Variants in GUCA1B observed in about 807,000 individuals in gnomAD.
GUCA1B encodes the protein guanylate cyclase activator 1B, also known as guanylyl cyclase-activating protein 2.
A neutral mutation model predicts 24.2 loss-of-function variants in GUCA1B; 22 were observed. The ratio of observed to expected loss-of-function variants is 0.91; its 90% confidence interval spans 0.65 to 1.30. The LOEUF is 1.30. GUCA1B is among the 50% of genes most tolerant of loss of function. The pLI is 0.00. For missense variants in GUCA1B, 221 were observed against 258.8 expected (o/e 0.85, Z 1.00); for synonymous variants, 100 against 97.9 (o/e 1.02, Z -0.13).
In GUCA1B at chr6:42,185,750, C is replaced by T; in HGVS notation, c.405G>A (p.Glu135=). 1.2e-6 allele frequency: 2 copies of T among 1,613,680 alleles called. No homozygotes were observed. Among genetic ancestry groups the T allele is most frequent in the Non-Finnish European group, 1.7e-6 (2 of 1,179,742 alleles). ...CCTCGGGTGTGAGCAGCTGGCCTTG[C>T]TCAGTTTGTAGCTCTCGCCGGCAGG... ...KKACRRELQT[E]QGQLLTPEEV... The change falls in exon 3 of 4, where the codon GAG becomes GAA. Residue 135 remains glutamate (E), a synonymous_variant. Transcript: ENST00000230361.
rs572884394 is a variant in GUCA1B at position 42,188,612 on chromosome 6, G to A, written c.327C>T (p.Ile109=). ...KIYDKDGNGC[I]DRLELLNIVE... is the part of the protein sequence containing the mutation. ...CAATGTTGAGTAGCTCCAGGCGGTC[G>A]ATGCAGCCATTGCCATCCTTATCAT... Residue 109 remains isoleucine (I), a synonymous_variant, in exon 2 of 4, where the codon ATC becomes ATT. Transcript: ENST00000230361. The A allele has an allele frequency of 7.4e-6, 12 of 1,614,088 alleles. No individual in the cohort carries two copies. Among genetic ancestry groups the A allele is most frequent in the East Asian group, 2.2e-5 (1 of 44,874 alleles).
chr6:42,185,160 T>C (rs1335692636), intron 3 of GUCA1B, among the ~76,000 whole-genome samples: 1 of 152,166 alleles, frequency 6.6e-6, no homozygotes, highest in East Asian at 1.9e-4. Context: ...AAGTTTTACT[T>C]TTGCGCATGG....
chr6:42,184,509 C>A lies in GUCA1B; in HGVS notation c.*306G>T. 1 of 422,784 alleles carries A rather than the reference C, an allele frequency of 2.4e-6. No homozygotes were observed. The highest frequency in any genetic ancestry group is 2.1e-5 in the South Asian group (1 of 47,786). 26.2% of individuals were successfully genotyped at this position (422,784 alleles called of 1,614,324 possible). A position where few individuals can be genotyped will look rare whatever the true frequency, so the allele number is the denominator to read the frequency against. On this transcript the variant is annotated 3_prime_UTR_variant, in exon 4 of 4. Coordinates refer to ENST00000230361, the MANE Select transcript of GUCA1B (RefSeq NM_002098.6). ...CCCCTCAGTTGGCTCTTGCTTCCAA[C>A]TGAGAACACCCAGAAACTGTGGGAG...
At position 42,183,611 on chromosome 6, in the gene GUCA1B, C is replaced by G. The variant is rs545684763; in HGVS notation, c.*1204G>C. On this transcript the variant is annotated 3_prime_UTR_variant, in exon 4 of 4. Coordinates refer to ENST00000230361, the MANE Select transcript of GUCA1B (RefSeq NM_002098.6). ...TAGTCCGACCTGCTCACTGTGCTGC[C>G]AAGACATAACCAAGGTTAGGGAGGA... Among the ~76,000 whole-genome samples, 1 of 152,280 alleles carries G rather than the reference C, an allele frequency of 6.6e-6. No homozygotes were observed. Among genetic ancestry groups the G allele is most frequent in the South Asian group, 2.1e-4 (1 of 4,824 alleles).
At chr6:42,192,477 C>G (rs1320612574) in intron 1 of GUCA1B, among the ~76,000 whole-genome samples, 1 of 151,442 alleles carries the variant, frequency 6.6e-6, no homozygotes, top group East Asian at 1.9e-4. Context: ...TCTGGGAGGC[C>G]GGGGTGGGCA....
intron 1 of GUCA1B, among the ~76,000 whole-genome samples, chr6:42,194,325 C>A (rs1768360344): frequency 6.6e-6 from 1 of 152,214 alleles, no homozygotes; most frequent in Non-Finnish European, 1.5e-5. Flanking sequence ...AGGACCTGGA[C>A]TGTCTGCCAG....
In GUCA1B at chr6:42,183,642, G is replaced by C. The variant is rs1473721827; in HGVS notation, c.*1173C>G. Among the ~76,000 whole-genome samples the C allele has an allele frequency of 6.6e-6, 1 of 152,168 alleles. No individual in the cohort carries two copies. The highest frequency in any genetic ancestry group is 6.5e-5 in the Admixed American group (1 of 15,282). On this transcript the variant is annotated 3_prime_UTR_variant, in exon 4 of 4. Transcript: ENST00000230361. ...ATAACCAAGGTTAGGGAGGAGAAGT[G>C]GCTGTCTTGGGTCACACAGCAGTTA...
At chr6:42,193,686 C>T (rs1013141281) in intron 1 of GUCA1B, among the ~76,000 whole-genome samples, 3 of 152,174 alleles carry the variant, frequency 2.0e-5, no homozygotes, top group Non-Finnish European at 4.4e-5. Flanking sequence ...CCTCCTGTCC[C>T]GGGACAGGCA....
chr6:42,189,585 GT>G (rs1768266224), intron 1 of GUCA1B, among the ~76,000 whole-genome samples: 2 of 152,134 alleles, frequency 1.3e-5, no homozygotes, highest in Non-Finnish European at 2.9e-5. Flanking sequence ...CCACTTCTAG[GT>G]CCCAGTGGAC....
intron 2 of GUCA1B, 96 bp from the exon 3 acceptor site, chr6:42,185,893 G>A (rs1768184946): frequency 1.3e-6 from 1 of 781,168 alleles, no homozygotes; most frequent in Non-Finnish European, 2.3e-6. Flanking sequence ...CCCCAGTGCT[G>A]GCTTCCCAGG....
At chr6:42,193,264 C>T (rs1323596846) in intron 1 of GUCA1B, among the ~76,000 whole-genome samples, 1 of 152,088 alleles carries the variant, frequency 6.6e-6, no homozygotes, top group Admixed American at 6.5e-5. Context: ...GCTTAATCAG[C>T]CCTTTGGATC....
At chr6:42,193,098 T>A (rs1179643530) in intron 1 of GUCA1B, among the ~76,000 whole-genome samples, 2 of 152,176 alleles carry the variant, frequency 1.3e-5, no homozygotes. Context: ...ATAAATTGCA[T>A]ATGGGAGTTA....
rs1768183710 is a variant in GUCA1B at position 42,185,815 on chromosome 6, G to A, written c.358-18C>T. 1.3e-6 allele frequency: 2 copies of A among 1,494,668 alleles called. No homozygotes were observed. Among genetic ancestry groups the A allele is most frequent in the Non-Finnish European group, 9.3e-7 (1 of 1,071,988 alleles). The allele number at this position is 1,494,668 out of a possible 1,614,324, so 92.6% of individuals were successfully genotyped here. A position where few individuals can be genotyped will look rare whatever the true frequency, so the allele number is the denominator to read the frequency against. On this transcript the variant is annotated intron_variant, in intron 2 of 3. Coordinates refer to ENST00000230361, the MANE Select transcript of GUCA1B (RefSeq NM_002098.6). ...TAAATTCCCTGCCAAAGAAAACTCA[G>A]CTGCATTGACGGGAGACCCTGAAAG... is the stretch of plus-strand genomic sequence containing the variant.
At position 42,192,161 on chromosome 6, in the gene GUCA1B, A is replaced by G. The variant is rs372919415; in HGVS notation, c.207+2453T>C. The stretch of plus-strand genomic sequence containing the variant: ...ATGAAGTCAAGAGATGGAGACAATC[A>G]TGGCCAACATGGTGAAACCCCATCT... On this transcript the variant is annotated intron_variant, in intron 1 of 3. Coordinates refer to ENST00000230361, the MANE Select transcript of GUCA1B (RefSeq NM_002098.6). Among the ~76,000 whole-genome samples, 20 of 151,384 alleles carry G rather than the reference A, an allele frequency of 1.3e-4. No individual in the cohort carries two copies. In the East Asian group the frequency reaches 2.3e-3, roughly 18 times the overall value.
intron 2 of GUCA1B, among the ~76,000 whole-genome samples, chr6:42,186,551 C>T (rs1768195440): frequency 6.6e-6 from 1 of 151,986 alleles, no homozygotes; most frequent in African/African-American, 2.4e-5. Flanking sequence ...CGAGATTGCG[C>T]CACTGAATTC....
chr6:42,186,069 C>T (rs758159966), intron 2 of GUCA1B, among the ~76,000 whole-genome samples: 24 of 152,182 alleles, frequency 1.6e-4, no homozygotes, highest in Admixed American at 9.2e-4. Context: ...AAGCCCAAAT[C>T]CAAAACCTCT....
intron 1 of GUCA1B, among the ~76,000 whole-genome samples, chr6:42,190,658 C>T (rs181355556): frequency 1.3e-5 from 2 of 152,196 alleles, no homozygotes; most frequent in African/African-American, 2.4e-5. Flanking sequence ...CCCAGAGGTT[C>T]CCAGGCCACC....
chr6:42,194,338 G>A (rs997955451), intron 1 of GUCA1B, among the ~76,000 whole-genome samples: 4 of 152,188 alleles, frequency 2.6e-5, no homozygotes, highest in African/African-American at 9.7e-5. Context: ...TCTGCCAGTC[G>A]CCCTTCAGCT....
chr6:42,192,625 T>C (rs995036750), intron 1 of GUCA1B, among the ~76,000 whole-genome samples: 3 of 152,078 alleles, frequency 2.0e-5, no homozygotes, highest in Non-Finnish European at 4.4e-5. Context: ...GTCATGAGAA[T>C]TGCTTGAACT....
Sources: gnomAD v4.1 joint callset for allele counts (sites outside exome capture counted in the v4.1 genomes callset) on GRCh38, gnomAD v4.1.1 for gene constraint, MANE v1.5 for transcripts, NCBI Gene and HGNC (gene_info 2026-07-23, HGNC 2026-07-21) for gene names.